POFUT3: variants seen among roughly 807,000 people sequenced by gnomAD.
POFUT3 encodes GDP-fucose protein O-fucosyltransferase 3.
At chr8:33,318,146 A>T in the POFUT3 span, among the ~76,000 whole-genome samples, 1 of 151,994 alleles carries the variant, frequency 6.6e-6, no homozygotes, top group Non-Finnish European at 1.5e-5. Flanking sequence ...ACGTCTCTGT[A>T]TCTGAGTCCA....
chr8:33,320,153 C>A, the POFUT3 span, among the ~76,000 whole-genome samples: 6 of 151,760 alleles, frequency 4.0e-5, no homozygotes, highest in African/African-American at 1.5e-4. Context: ...GAGATCTTAA[C>A]CTTTTAATTG....
At chr8:33,405,644 C>A in the POFUT3 span, among the ~76,000 whole-genome samples, 4,351 of 152,234 alleles carry the variant, frequency 0.029, 88 homozygotes, top group Non-Finnish European at 0.044. Context: ...CCAAGCTGAT[C>A]ACATTTTAAT....
the POFUT3 span, among the ~76,000 whole-genome samples, chr8:33,330,216 C>T: frequency 0.26 from 39,423 of 152,024 alleles, 5,455 homozygotes; most frequent in South Asian, 0.5. Context: ...GAGGCTGAGG[C>T]GGGCAGATCA....
chr8:33,388,329 C>CTTTTTTTT, the POFUT3 span, among the ~76,000 whole-genome samples: 3 of 83,864 alleles, frequency 3.6e-5, no homozygotes, highest in East Asian at 4.8e-4. Flanking sequence ...AAGCAGAACT[C>CTTTTTTTT]TTTTTTTTTT....
chr8:33,384,199 T>G, the POFUT3 span, among the ~76,000 whole-genome samples: 1 of 152,142 alleles, frequency 6.6e-6, no homozygotes, highest in African/African-American at 2.4e-5. Flanking sequence ...CTGGTTCCAC[T>G]GACCCATGAA....
chr8:33,461,310 G>A, the POFUT3 span: 1 of 1,513,832 alleles, frequency 6.6e-7, no homozygotes, highest in East Asian at 2.3e-5. Context: ...TGAGAAAATA[G>A]GGGGTAGGGG....
chr8:33,443,400 A>G, the POFUT3 span, among the ~76,000 whole-genome samples: 1 of 152,220 alleles, frequency 6.6e-6, no homozygotes, highest in Non-Finnish European at 1.5e-5. Context: ...GCCAGAGCTC[A>G]CTGCTCCAAC....
At chr8:33,438,084 A>C in the POFUT3 span, among the ~76,000 whole-genome samples, 3 of 152,206 alleles carry the variant, frequency 2.0e-5, no homozygotes, top group Non-Finnish European at 2.9e-5. Context: ...TAATTTACTG[A>C]CGTTTTTATA....
At chr8:33,390,469 G>C in the POFUT3 span, among the ~76,000 whole-genome samples, 3 of 140,562 alleles carry the variant, frequency 2.1e-5, no homozygotes, top group African/African-American at 7.9e-5. Context: ...AAGAGATAAA[G>C]ACAGTTCTTT....
the POFUT3 span, among the ~76,000 whole-genome samples, chr8:33,397,341 C>T: frequency 1.3e-5 from 2 of 151,940 alleles, no homozygotes; most frequent in East Asian, 1.9e-4. Context: ...AGTGTGGGTC[C>T]GTGGGTCTCT....
the POFUT3 span, among the ~76,000 whole-genome samples, chr8:33,329,290 T>A: frequency 6.6e-6 from 1 of 152,226 alleles, no homozygotes; most frequent in Admixed American, 6.5e-5. Flanking sequence ...CATACTTATC[T>A]ATGGGAAAAT....
chr8:33,314,288 G>A, the POFUT3 span, among the ~76,000 whole-genome samples: 1 of 152,120 alleles, frequency 6.6e-6, no homozygotes, highest in Non-Finnish European at 1.5e-5. Context: ...TCTTCTCACT[G>A]CCTTGTGACA....
chr8:33,326,961 G>A, the POFUT3 span, among the ~76,000 whole-genome samples: 1 of 152,174 alleles, frequency 6.6e-6, no homozygotes, highest in African/African-American at 2.4e-5. Flanking sequence ...ATGTTTTGTA[G>A]AGATAGGGGT....
At chr8:33,458,203 C>T in the POFUT3 span, among the ~76,000 whole-genome samples, 16 of 152,180 alleles carry the variant, frequency 1.1e-4, no homozygotes, top group East Asian at 2.9e-3. Flanking sequence ...AGGAGAGAGG[C>T]CACAGAAGAA....
chr8:33,329,894 A>C, the POFUT3 span, among the ~76,000 whole-genome samples: 4 of 152,172 alleles, frequency 2.6e-5, no homozygotes, highest in South Asian at 8.3e-4. Flanking sequence ...ATTCCTTTTT[A>C]CTTTGTAAGT....
chr8:33,332,584 G>A, the POFUT3 span, among the ~76,000 whole-genome samples: 1 of 152,146 alleles, frequency 6.6e-6, no homozygotes, highest in Non-Finnish European at 1.5e-5. Context: ...CACAGCGTGA[G>A]TGGGTGCTAA....
chr8:33,465,665 G>A, the POFUT3 span, among the ~76,000 whole-genome samples: 1 of 152,100 alleles, frequency 6.6e-6, no homozygotes, highest in Non-Finnish European at 1.5e-5. Context: ...GTTTCACCAT[G>A]TTGGCCAGGC....
At chr8:33,431,420 T>C in the POFUT3 span, among the ~76,000 whole-genome samples, 1 of 151,364 alleles carries the variant, frequency 6.6e-6, no homozygotes, top group Non-Finnish European at 1.5e-5. Context: ...CAGTGGCATG[T>C]ACCTGTAGTC....
chr8:33,356,752 T>C, the POFUT3 span, among the ~76,000 whole-genome samples: 1 of 152,154 alleles, frequency 6.6e-6, no homozygotes, highest in African/African-American at 2.4e-5. Flanking sequence ...TGCCCATGCC[T>C]ATGTCCTGAA....
Sources: allele counts gnomAD v4.1 joint callset (sites outside exome capture counted in the v4.1 genomes callset), GRCh38; gene constraint gnomAD v4.1.1; transcripts MANE v1.5; gene names NCBI Gene and HGNC (gene_info 2026-07-23, HGNC 2026-07-21).